SKA1: variants seen among roughly 807,000 people sequenced by gnomAD.
SKA1 encodes spindle and kinetochore associated complex subunit 1, also known as SKA complex subunit 1.
A neutral mutation model predicts 31.8 loss-of-function variants in SKA1; 20 were observed. The ratio of observed to expected loss-of-function variants is 0.63; its 90% CI spans 0.44 to 0.91. The LOEUF (loss-of-function observed/expected upper bound fraction) is 0.91. Among genes scored for constraint, SKA1 ranks in the 40% least tolerant of loss-of-function variants. The pLI is 0.00. For synonymous variants in SKA1, 88 were observed against 100.5 expected (o/e 0.88, Z 0.74); for missense variants, 253 against 298.2 (o/e 0.85, Z 1.12).
intron 5 of SKA1, among the ~76,000 whole-genome samples, chr18:50,388,448 T>G (rs775270049): frequency 2.0e-5 from 3 of 152,226 alleles, no homozygotes; most frequent in Non-Finnish European, 4.4e-5. Flanking sequence ...AAATTTTTTC[T>G]TAATAGATTC....
In SKA1 at chr18:50,394,049, T is replaced by C. The variant is rs963093827; in HGVS notation, c.*1802T>C. 2 of 152,246 alleles carry C rather than the reference T, an allele frequency of 1.3e-5. No individual in the cohort carries two copies. Among genetic ancestry groups the C allele is most frequent in the African/African-American group, 4.8e-5 (2 of 41,464 alleles). 9.4% of individuals were successfully genotyped at this position (152,246 alleles called of 1,614,324 possible). Reference sequence around the variant, plus strand: ...CCAGGAAGGTGACGCACTCCAGCTTTATGAAGTCAGCAAGTCCTGTGCTCA... The same window carrying C: ...CCAGGAAGGTGACGCACTCCAGCTTCATGAAGTCAGCAAGTCCTGTGCTCA... On this transcript the variant is annotated 3_prime_UTR_variant, in exon 7 of 7. Transcript: ENST00000285116.
chr18:50,376,732 T>TA (rs2041219005), intron 2 of SKA1, among the ~76,000 whole-genome samples: 1 of 152,226 alleles, frequency 6.6e-6, no homozygotes, highest in African/African-American at 2.4e-5. Flanking sequence ...TTAGCTTTTT[T>TA]ATTCTTTTCT....
intron 5 of SKA1, among the ~76,000 whole-genome samples, chr18:50,390,309 A>G (rs2041346333): frequency 6.6e-6 from 1 of 152,224 alleles, no homozygotes; most frequent in Non-Finnish European, 1.5e-5. Context: ...TTTGAATAGA[A>G]ATGAAGGACA....
At chr18:50,388,378 CTG>C (rs2041327975) in intron 5 of SKA1, among the ~76,000 whole-genome samples, 1 of 152,248 alleles carries the variant, frequency 6.6e-6, no homozygotes, top group Non-Finnish European at 1.5e-5. Context: ...GCATGAGCCA[CTG>C]TGCCTGGCCC....
intron 5 of SKA1, among the ~76,000 whole-genome samples, 166 bp from the exon 6 acceptor site, chr18:50,390,958 T>C (rs2041351998): frequency 6.6e-6 from 1 of 152,224 alleles, no homozygotes; most frequent in Admixed American, 6.5e-5. Flanking sequence ...CATCTCTATT[T>C]AATTATTCAG....
intron 4 of SKA1, among the ~76,000 whole-genome samples, chr18:50,384,515 TAAAATGACTCCGCAATACAC>T (rs1029732876): frequency 1.4e-4 from 22 of 152,110 alleles, no homozygotes; most frequent in African/African-American, 5.1e-4. Flanking sequence ...TGCTGGCAAC[TAAAATGACTCCGCAATACAC>T]AGGGACTGAC....
intron 2 of SKA1, among the ~76,000 whole-genome samples, chr18:50,378,749 A>T (rs1448308675): frequency 6.6e-6 from 1 of 152,084 alleles, no homozygotes. Flanking sequence ...ATACCAGTGT[A>T]TGGGGAAGAA....
intron 6 of SKA1, among the ~76,000 whole-genome samples, chr18:50,391,724 C>G (rs146551803): frequency 3.0e-4 from 45 of 152,200 alleles, no homozygotes; most frequent in African/African-American, 1.1e-3. Flanking sequence ...TCAATCCTTA[C>G]AACACCCGTA....
chr18:50,392,169 G>A lies in SKA1; in HGVS notation c.690G>A (p.Val230=). The A allele has an allele frequency of 1.9e-6, 3 of 1,610,960 alleles. No individual in the cohort carries two copies. Among genetic ancestry groups the A allele is most frequent in the Non-Finnish European group, 2.5e-6 (3 of 1,179,452 alleles). Residue 230 remains valine (V), a synonymous_variant, in exon 7 of 7, where the codon GTG becomes GTA. Coordinates refer to ENST00000285116, the MANE Select transcript of SKA1 (RefSeq NM_145060.4). ...TGAAAGCTGACAAGAAGTTTCACGT[G>A]TTACTGAATATTTTACGACACTGCC... ...TTLKADKKFH[V]LLNILRHCRR... is the part of the protein sequence containing the mutation.
rs1294837240 is a variant in SKA1 at position 50,393,839 on chromosome 18, A to G, written c.*1592A>G. The G allele has an allele frequency of 1.3e-5, 2 of 152,208 alleles. No individual in the cohort carries two copies. Among genetic ancestry groups the G allele is most frequent in the African/African-American group, 2.4e-5 (1 of 41,452 alleles). The allele number at this position is 152,208 out of a possible 1,614,324, so 9.4% of individuals were successfully genotyped here. On this transcript the variant is annotated 3_prime_UTR_variant, in exon 7 of 7. Coordinates refer to ENST00000285116, the MANE Select transcript of SKA1 (RefSeq NM_145060.4). The stretch of plus-strand genomic sequence containing the variant: ...CTCTTGATGGGCACCTGGATAACTC[A>G]GGATGGGGGCTGCTCACAAAGACCA...
At chr18:50,391,015 G>T (rs1337512102) in intron 5 of SKA1, 109 bp from the exon 6 acceptor site, 3 of 704,234 alleles carry the variant, frequency 4.3e-6, no homozygotes, top group South Asian at 2.6e-5. Context: ...TTTATAAAGG[G>T]TACTGTAGTT....
chr18:50,385,690 GA>G (rs2041301528), intron 5 of SKA1, among the ~76,000 whole-genome samples: 1 of 152,186 alleles, frequency 6.6e-6, no homozygotes, highest in Non-Finnish European at 1.5e-5. Flanking sequence ...AATGAGAATG[GA>G]CAGTGTTGTG....
chr18:50,382,328 CGAT>C, intron 4 of SKA1, 102 bp downstream of exon 4: 1 of 644,500 alleles, frequency 1.6e-6, no homozygotes. Context: ...GTTTTGTCAG[CGAT>C]GATCTAGTTT....
At chr18:50,385,039 C>T (rs78356010) in intron 4 of SKA1, among the ~76,000 whole-genome samples, 177 bp from the exon 5 acceptor site, 2,340 of 150,832 alleles carry the variant, frequency 0.016, 55 homozygotes, top group East Asian at 0.085. Context: ...AATTTTTCAA[C>T]ATTTCCTTCA....
chr18:50,383,379 T>A (rs186791551), intron 4 of SKA1, among the ~76,000 whole-genome samples: 56 of 152,322 alleles, frequency 3.7e-4, no homozygotes, highest in South Asian at 2.1e-4. Context: ...TCCCCTTTTT[T>A]AAATTATAGA....
rs999329748 is a variant in SKA1, at chr18:50,382,901, G to C, written c.311+675G>C. On this transcript the variant is annotated intron_variant, in intron 4 of 6. Coordinates refer to ENST00000285116, the MANE Select transcript of SKA1 (RefSeq NM_145060.4). Reference sequence around the variant, plus strand: ...TACAAAAAATTAGCCAGACACAGTGGCACACCCCTGTAGTCCCAGCTACTC... The same window carrying C: ...TACAAAAAATTAGCCAGACACAGTGCCACACCCCTGTAGTCCCAGCTACTC... Among the ~76,000 whole-genome samples the C allele has an allele frequency of 2.0e-5, 3 of 152,120 alleles. No individual in the cohort carries two copies. In the South Asian group the frequency reaches 6.2e-4, roughly 32 times the overall value.
chr18:50,392,339 TC>T lies in SKA1; in HGVS notation c.*93del, dbSNP rs2041364449. ...TATATATAATTTTTTTAACTTTTAA[TC>T]TTTTTTGTTTCCTTTTTTTTTTTTT... On this transcript the variant is annotated 3_prime_UTR_variant, in exon 7 of 7. Coordinates refer to ENST00000285116, the MANE Select transcript of SKA1 (RefSeq NM_145060.4). 1.2e-6 allele frequency: 1 copy of T among 853,810 alleles called. No homozygotes were observed. The highest frequency in any genetic ancestry group is 1.8e-5 in the African/African-American group (1 of 55,426). 52.9% of individuals were successfully genotyped at this position (853,810 alleles called of 1,614,324 possible).
chr18:50,376,681 C>T (rs958399011), intron 2 of SKA1, among the ~76,000 whole-genome samples: 14 of 152,138 alleles, frequency 9.2e-5, no homozygotes, highest in African/African-American at 3.4e-4. Context: ...TTAACCTTAG[C>T]TTACTATAAC....
chr18:50,384,873 A>G (rs1484705779), intron 4 of SKA1, among the ~76,000 whole-genome samples: 2 of 29,164 alleles, frequency 6.9e-5, no homozygotes, highest in Non-Finnish European at 1.2e-4. Context: ...AAAAAAATTA[A>G]AAAAAAAAAA....
Sources: allele counts gnomAD v4.1 joint callset (sites outside exome capture counted in the v4.1 genomes callset), GRCh38; gene constraint gnomAD v4.1.1; transcripts MANE v1.5; gene names NCBI Gene and HGNC (gene_info 2026-07-23, HGNC 2026-07-21).